The following STIMATE variants were observed in gnomAD, a reference collection of about 807,000 sequenced individuals.
The protein encoded by STIMATE is store-operated calcium entry regulator STIMATE.
Under a neutral mutation model 36.7 loss-of-function variants are expected in STIMATE, and 15 were observed. The observed-to-expected ratio is 0.41, with a 90% CI of 0.27 to 0.63. The LOEUF (loss-of-function observed/expected upper bound fraction) is 0.63, where lower values mean the gene tolerates loss of function less well. Among genes scored for constraint, STIMATE ranks in the 20% least tolerant of loss-of-function variants. STIMATE has a pLI of 0.32. For missense variants in STIMATE, 305 were observed against 397.3 expected, an observed-to-expected ratio of 0.77 and a Z score of 1.98; for synonymous variants, 163 against 162.3, an observed-to-expected ratio of 1.00 and a Z score of -0.03.
chr3:52,846,417 T>C (rs1327117772), intron 4 of STIMATE: 1 of 152,230 alleles, frequency 6.6e-6, no homozygotes, highest in Non-Finnish European at 1.5e-5. Flanking sequence ...TTAAGTAGGT[T>C]TGAGGACAGT....
intron 1 of STIMATE, among the ~76,000 whole-genome samples, chr3:52,870,243 C>T (rs749748338): frequency 3.2e-4 from 49 of 152,242 alleles, no homozygotes; most frequent in Non-Finnish European, 6.6e-4. Flanking sequence ...CAGGTGTGGG[C>T]CACCACACCT....
chr3:52,872,914 C>T (rs1156566569), intron 1 of STIMATE, among the ~76,000 whole-genome samples: 1 of 152,228 alleles, frequency 6.6e-6, no homozygotes, highest in South Asian at 2.1e-4. Context: ...GTGTGAGCCA[C>T]CACGCCCGGC....
At chr3:52,872,066 G>T (rs1054806766) in intron 1 of STIMATE, among the ~76,000 whole-genome samples, 4 of 152,090 alleles carry the variant, frequency 2.6e-5, no homozygotes, top group African/African-American at 9.7e-5. Context: ...CTGTCTCAGC[G>T]CTCAGGAAGC....
chr3:52,843,207 T>A (rs1292402306), intron 6 of STIMATE: 2 of 652,750 alleles, frequency 3.1e-6, no homozygotes. Context: ...TTGTGGTAAC[T>A]AGGGGGAACA....
chr3:52,878,666 T>C (rs1214390761), intron 1 of STIMATE, among the ~76,000 whole-genome samples: 1 of 152,226 alleles, frequency 6.6e-6, no homozygotes. Context: ...TGCATTTTTA[T>C]TCTGATAGCA....
intron 1 of STIMATE, among the ~76,000 whole-genome samples, chr3:52,890,927 A>G (rs1701772883): frequency 6.6e-6 from 1 of 152,176 alleles, no homozygotes. Context: ...CTTGGGGTAG[A>G]ATCACCACCC....
chr3:52,897,291 G>C lies in STIMATE; in HGVS notation c.160C>G (p.Leu54Val), dbSNP rs865793661. ...GAGGGTCGGGGGGTCCCAGACTCAC[G>C]CATTAACGTGCTGAAGGCCACGACG... is the stretch of plus-strand genomic sequence containing the variant. ...LGVVAFSTLM[L>V]KRFREPKHER... is the part of the protein sequence containing the mutation. The change falls in exon 1 of 8, where the codon CTC (leucine) becomes GTC (valine). Residue 54 changes from leucine (L) to valine (V), a missense_variant and splice_region_variant. By Grantham distance (32) the Leu-to-Val change is conservative (BLOSUM62 1). Around this residue, in one of 3 missense-constraint regions of STIMATE, gnomAD observed 164 missense variants for 257.9 expected, o/e 0.64. Coordinates refer to ENST00000355083, the MANE Select transcript of STIMATE (RefSeq NM_198563.5). The C allele has an allele frequency of 6.5e-6, 10 of 1,548,300 alleles. No individual in the cohort carries two copies. In the African/African-American group the frequency reaches 8.2e-5, roughly 13 times the overall value.
intron 1 of STIMATE, among the ~76,000 whole-genome samples, chr3:52,888,086 A>C (rs1447844984): frequency 2.2e-5 from 3 of 138,540 alleles, no homozygotes; most frequent in Non-Finnish European, 3.0e-5. Flanking sequence ...CTCTTGACAG[A>C]AAAAAAACAC....
intron 5 of STIMATE, 135 bp from the exon 6 acceptor site, chr3:52,843,933 C>G: frequency 8.6e-7 from 1 of 1,162,502 alleles, no homozygotes; most frequent in Non-Finnish European, 1.2e-6. Context: ...GGAGCAGCAC[C>G]TCATGCCTAG....
At chr3:52,881,735 T>C (rs1204598333) in intron 1 of STIMATE, among the ~76,000 whole-genome samples, 2 of 152,108 alleles carry the variant, frequency 1.3e-5, no homozygotes, top group Non-Finnish European at 2.9e-5. Flanking sequence ...TCAGGAGGAA[T>C]AGCAATGCTA....
At chr3:52,843,127 C>T in intron 6 of STIMATE, 167 bp from the exon 7 acceptor site, 1 of 1,263,264 alleles carries the variant, frequency 7.9e-7, no homozygotes. Flanking sequence ...AAAGAGATTC[C>T]CAGTCTCCAC....
At chr3:52,862,117 C>T (rs1234247974) in intron 1 of STIMATE, among the ~76,000 whole-genome samples, 6 of 152,168 alleles carry the variant, frequency 3.9e-5, no homozygotes, top group African/African-American at 1.4e-4. Context: ...GCTAGTCCTG[C>T]CCAGCTCTGC....
chr3:52,877,406 C>T (rs1163573542), intron 1 of STIMATE, among the ~76,000 whole-genome samples: 1 of 152,200 alleles, frequency 6.6e-6, no homozygotes, highest in African/African-American at 2.4e-5. Flanking sequence ...TAGTCTAGAA[C>T]AAACTCCCTG....
At chr3:52,887,994 GTTTTT>G (rs71087029) in intron 1 of STIMATE, among the ~76,000 whole-genome samples, 103 of 52,706 alleles carry the variant, frequency 2.0e-3, no homozygotes, top group Middle Eastern at 0.025. Context: ...AACAGAATCA[GTTTTT>G]TTTTTTTTTT....
intron 1 of STIMATE, among the ~76,000 whole-genome samples, chr3:52,858,133 C>T (rs1701141164): frequency 6.6e-6 from 1 of 152,146 alleles, no homozygotes; most frequent in South Asian, 2.1e-4. Context: ...AAATAAGTGT[C>T]TATTGTTTAA....
At chr3:52,889,359 C>T (rs1213943218) in intron 1 of STIMATE, among the ~76,000 whole-genome samples, 4 of 152,234 alleles carry the variant, frequency 2.6e-5, no homozygotes, top group Non-Finnish European at 4.4e-5. Context: ...ACCTCGAGAG[C>T]TGCATACAAT....
intron 4 of STIMATE, among the ~76,000 whole-genome samples, chr3:52,846,972 C>T (rs749236221): frequency 6.6e-6 from 1 of 152,130 alleles, no homozygotes; most frequent in South Asian, 2.1e-4. Context: ...GGCATGAACA[C>T]GGCTTATTGT....
Position 52,840,379 on chromosome 3 carries a change from G to C in STIMATE, c.*115C>G. On this transcript the variant is annotated 3_prime_UTR_variant, in exon 8 of 8. Coordinates refer to ENST00000355083, the MANE Select transcript of STIMATE (RefSeq NM_198563.5). Reference sequence around the variant, plus strand: ...AGGCGAGAGCGGGCAGAGACAGCAAGAGGAGCAGAGGTAGAAAGGAAGGGC... The same window carrying C: ...AGGCGAGAGCGGGCAGAGACAGCAACAGGAGCAGAGGTAGAAAGGAAGGGC... 1.7e-6 allele frequency: 2 copies of C among 1,190,444 alleles called. No homozygotes were observed. The highest frequency in any genetic ancestry group is 1.4e-5 in the South Asian group (1 of 69,290). The allele number at this position is 1,190,444 out of a possible 1,614,324, so 73.7% of individuals were successfully genotyped here.
At chr3:52,843,634 GT>G (rs1700846065) in intron 6 of STIMATE, 86 bp downstream of exon 6, 1 of 1,570,296 alleles carries the variant, frequency 6.4e-7, no homozygotes, top group Non-Finnish European at 8.6e-7. Context: ...AGGGCTACAG[GT>G]GAGCTTTCTG....
Sources: allele counts gnomAD v4.1 joint callset (sites outside exome capture counted in the v4.1 genomes callset), GRCh38; gene constraint gnomAD v4.1.1; regional missense constraint gnomAD v4.1.1; transcripts MANE v1.5; gene names NCBI Gene and HGNC (gene_info 2026-07-23, HGNC 2026-07-21).